ZFHX3: variants seen among roughly 807,000 people sequenced by gnomAD.
ZFHX3 encodes the protein zinc finger homeobox protein 3.
ZFHX3 carries 42 observed loss-of-function variants against 279.1 expected under a neutral mutation model. The ratio of observed to expected loss-of-function variants is 0.15; its 90% CI spans 0.12 to 0.19. The LOEUF (loss-of-function observed/expected upper bound fraction) is 0.19. Ranked by LOEUF, ZFHX3 falls within the 10% of genes least tolerant of loss-of-function variation. The pLI, the probability that ZFHX3 is intolerant of heterozygous loss-of-function variation, is 1.00. For missense variants in ZFHX3, 4,981 were observed against 4,754.0 expected, an observed-to-expected ratio of 1.05 and a Z score of -1.40; for synonymous variants, 2,293 against 1,957.8, an observed-to-expected ratio of 1.17 and a Z score of -4.52.
At chr16:73,344,967 G>C (rs2143267951) in intron 3 of ZFHX3, among the ~76,000 whole-genome samples, 1 of 152,270 alleles carries the variant, frequency 6.6e-6, no homozygotes, top group Admixed American at 6.5e-5. Context: ...GCTGCAGAGA[G>C]AACCTGGGTC....
intron 2 of ZFHX3, among the ~76,000 whole-genome samples, chr16:73,546,665 C>CTGCTGT (rs1310894460): frequency 2.9e-5 from 4 of 138,028 alleles, no homozygotes; most frequent in South Asian, 4.8e-4. Context: ...GCTTTGGGTG[C>CTGCTGT]TGCTGTTGCT....
upstream of ZFHX3, chr16:73,060,390 C>T (rs970404604): frequency 6.6e-6 from 1 of 152,152 alleles, no homozygotes; most frequent in Admixed American, 6.5e-5. Context: ...CAGCGAGGGA[C>T]CCTACTACTG....
At chr16:73,282,918 G>A (rs1213025186) in intron 4 of ZFHX3, among the ~76,000 whole-genome samples, 1 of 152,130 alleles carries the variant, frequency 6.6e-6, no homozygotes, top group Non-Finnish European at 1.5e-5. Flanking sequence ...GAGTTATTGA[G>A]CATCTATTAT....
At chr16:73,498,068 A>G (rs61099394) in intron 2 of ZFHX3, among the ~76,000 whole-genome samples, 2,574 of 152,272 alleles carry the variant, frequency 0.017, 78 homozygotes, top group African/African-American at 0.057. Context: ...CATTGCTTAT[A>G]TTTTTTGGTG....
chr16:73,162,872 A>G (rs1052907533), intron 5 of ZFHX3, among the ~76,000 whole-genome samples: 8 of 152,230 alleles, frequency 5.3e-5, no homozygotes, highest in Non-Finnish European at 1.0e-4. Flanking sequence ...GTTGTCTCTA[A>G]AGAATGGTGG....
intron 2 of ZFHX3, among the ~76,000 whole-genome samples, chr16:73,591,713 A>G (rs1310814838): frequency 1.3e-5 from 2 of 149,402 alleles, no homozygotes; most frequent in African/African-American, 4.9e-5. Context: ...AAAAAAAAAA[A>G]AAAAAGAAAA....
At chr16:73,082,368 C>T (rs1242253483) in intron 8 of ZFHX3, among the ~76,000 whole-genome samples, 8 of 151,898 alleles carry the variant, frequency 5.3e-5, no homozygotes, top group East Asian at 1.9e-4. Flanking sequence ...CCTGGGTTCA[C>T]GCCATTCTTC....
intron 1 of ZFHX3, among the ~76,000 whole-genome samples, chr16:73,684,739 C>T (rs143343667): frequency 0.065 from 9,458 of 145,196 alleles, 1,054 homozygotes; most frequent in African/African-American, 0.23. Flanking sequence ...CTTGCTCTGT[C>T]ACCCAGGCTG....
At chr16:72,802,867 T>A (rs538822425) in intron 7 of ZFHX3, among the ~76,000 whole-genome samples, 1 of 152,332 alleles carries the variant, frequency 6.6e-6, no homozygotes, top group South Asian at 2.1e-4. Flanking sequence ...CAGAGCCCAT[T>A]GAGGAGTCCT....
In ZFHX3 at chr16:72,784,604, C is replaced by A. The variant is rs2035274771; in HGVS notation, c.*2560G>T. Reference sequence around the variant, plus strand: ...AGATAAAATAATGGAAAACAAAAAACTGTACAACTTTAAAATTTAAAAATG... The same window carrying A: ...AGATAAAATAATGGAAAACAAAAAAATGTACAACTTTAAAATTTAAAAATG... On this transcript the variant is annotated 3_prime_UTR_variant, in exon 10 of 10. Coordinates refer to ENST00000268489, the MANE Select transcript of ZFHX3 (RefSeq NM_006885.4). 6.6e-6 allele frequency: 1 copy of A among 151,534 alleles called. No homozygotes were observed. Among genetic ancestry groups the A allele is most frequent in the East Asian group, 1.9e-4 (1 of 5,178 alleles). 9.4% of individuals were successfully genotyped at this position (151,534 alleles called of 1,614,324 possible). A position where few individuals can be genotyped will look rare whatever the true frequency, so the allele number is the denominator to read the frequency against.
chr16:73,850,065 G>A (rs1278107551), intron 1 of ZFHX3, among the ~76,000 whole-genome samples: 1 of 152,184 alleles, frequency 6.6e-6, no homozygotes, highest in Admixed American at 6.5e-5. Context: ...GAAGGGAGGG[G>A]AATGAGTAAT....
At chr16:73,633,243 AACCAC>A (rs1315894974) in intron 2 of ZFHX3, among the ~76,000 whole-genome samples, 1 of 152,232 alleles carries the variant, frequency 6.6e-6, no homozygotes, top group Non-Finnish European at 1.5e-5. Context: ...GAGAAGGAGA[AACCAC>A]CAGAGGCCCA....
chr16:73,493,239 C>T (rs548961579), intron 2 of ZFHX3, among the ~76,000 whole-genome samples: 1 of 152,214 alleles, frequency 6.6e-6, no homozygotes, highest in South Asian at 2.1e-4. Context: ...TCTGGTTCCC[C>T]TTTATCAGTA....
intron 5 of ZFHX3, among the ~76,000 whole-genome samples, chr16:73,238,204 C>T (rs1321402000): frequency 1.3e-5 from 2 of 152,166 alleles, no homozygotes. Flanking sequence ...AAGAGGGTTT[C>T]TGTGGCCACC....
rs570955376 is a variant in ZFHX3 at position 72,960,116 on chromosome 16, C to T, written c.30G>A (p.Ser10=). 12 of 1,594,270 alleles carry T rather than the reference C, an allele frequency of 7.5e-6. No homozygotes were observed. Among genetic ancestry groups the T allele is most frequent in the Non-Finnish European group, 1.0e-5 (12 of 1,169,376 alleles). Residue 10 remains serine, a synonymous_variant, in exon 2 of 10, where the codon TCG becomes TCA. Coordinates refer to ENST00000268489, the MANE Select transcript of ZFHX3 (RefSeq NM_006885.4). ...GGATACCGCACCCATTGTCCTTCCC[C>T]GAGACGACGGGCGAGTCACAGCCTT... MEGCDSPVV[S]GKDNGCGIPQ...
Position 73,411,544 on chromosome 16 carries a change from T to C in ZFHX3, c.-1291+44459A>G, listed in dbSNP as rs2017467213. Among the ~76,000 whole-genome samples, 3 of 152,214 alleles carry C rather than the reference T, an allele frequency of 2.0e-5. No individual in the cohort carries two copies. In the South Asian group the frequency reaches 6.2e-4, roughly 32 times the overall value. On this transcript the variant is annotated intron_variant, in intron 3 of 17. Transcript: ENST00000641206. Reference sequence around the variant, plus strand: ...TCACATTAAGTGAAATATGACCATATACAGCAAAGATGTCATGGGTAGGAC... The same window carrying C: ...TCACATTAAGTGAAATATGACCATACACAGCAAAGATGTCATGGGTAGGAC...
At chr16:73,527,828 C>G (rs1343645821) in intron 2 of ZFHX3, among the ~76,000 whole-genome samples, 1 of 152,168 alleles carries the variant, frequency 6.6e-6, no homozygotes, top group African/African-American at 2.4e-5. Flanking sequence ...ATCCTCCCTA[C>G]CCAAGCCTTG....
chr16:73,472,847 A>G (rs2018693249), intron 2 of ZFHX3, among the ~76,000 whole-genome samples: 1 of 152,184 alleles, frequency 6.6e-6, no homozygotes, highest in African/African-American at 2.4e-5. Flanking sequence ...CGCCCAGCCC[A>G]GAAGCATGGT....
chr16:73,866,948 T>C (rs1238602748), intron 1 of ZFHX3, among the ~76,000 whole-genome samples: 3 of 152,184 alleles, frequency 2.0e-5, no homozygotes, highest in African/African-American at 7.2e-5. Flanking sequence ...ACTCCCTTCA[T>C]GTCCCTTCTT....
Sources: allele counts gnomAD v4.1 joint callset (sites outside exome capture counted in the v4.1 genomes callset), GRCh38; gene constraint gnomAD v4.1.1; transcripts MANE v1.5; gene names NCBI Gene and HGNC (gene_info 2026-07-23, HGNC 2026-07-21).